Variants in KIFAP3 observed in about 807,000 individuals in gnomAD.
KIFAP3 encodes the protein kinesin associated protein 3.
KIFAP3 carries 68 observed loss-of-function variants against 106.5 expected under a neutral mutation model. The ratio of observed to expected loss-of-function variants is 0.64; its 90% CI spans 0.53 to 0.78. The LOEUF (loss-of-function observed/expected upper bound fraction) is 0.78, where lower values mean the gene tolerates loss of function less well. Among genes scored for constraint, KIFAP3 ranks in the 30% least tolerant of loss-of-function variants. The pLI is 0.00. For synonymous variants in KIFAP3, 320 were observed against 311.5 expected (o/e 1.03, Z -0.29); for missense variants, 780 against 941.8 (o/e 0.83, Z 2.25).
rs140358769 is a variant in KIFAP3, at chr1:169,935,393, C to A, written c.2274-13612G>T. 3.9e-3 allele frequency among the ~76,000 whole-genome samples: 591 copies of A among 152,068 alleles called. 2 individuals are homozygous for A. Among genetic ancestry groups the A allele is most frequent in the Non-Finnish European group, 6.9e-3 (466 of 67,916 alleles). Reference sequence around the variant, plus strand: ...AAATCTGGATTCCTTTTTAAGATCGCTTTGCCTTTTAGTTTCTGACAGCCC... The same window carrying A: ...AAATCTGGATTCCTTTTTAAGATCGATTTGCCTTTTAGTTTCTGACAGCCC... On this transcript the variant is annotated intron_variant, in intron 19 of 19. Coordinates refer to ENST00000361580, the MANE Select transcript of KIFAP3 (RefSeq NM_014970.4).
chr1:170,074,983 G>T (rs933610629), upstream of KIFAP3, among the ~76,000 whole-genome samples: 2 of 152,166 alleles, frequency 1.3e-5, no homozygotes, highest in Admixed American at 1.3e-4. Context: ...TCTATTTGGG[G>T]GCCTGAATGG....
intron 17 of KIFAP3, among the ~76,000 whole-genome samples, chr1:169,966,090 C>T (rs1390724339): frequency 6.6e-6 from 1 of 151,806 alleles, no homozygotes; most frequent in Non-Finnish European, 1.5e-5. Context: ...CATTTTCTTA[C>T]TTAAAATAAT....
At chr1:170,052,657 C>T (rs1021161125) in intron 2 of KIFAP3, among the ~76,000 whole-genome samples, 1 of 152,218 alleles carries the variant, frequency 6.6e-6, no homozygotes, top group Admixed American at 6.5e-5. Context: ...ACCAAGTCGG[C>T]TTCATCCCTG....
rs556342736 is a variant in KIFAP3, at chr1:170,005,474, T to C, written c.1183+10988A>G. 1.7e-3 allele frequency among the ~76,000 whole-genome samples: 260 copies of C among 151,898 alleles called. 1 individual carries two copies. The highest frequency in any genetic ancestry group is 6.1e-3 in the African/African-American group (253 of 41,396). On this transcript the variant is annotated intron_variant, in intron 10 of 19. Coordinates refer to ENST00000361580, the MANE Select transcript of KIFAP3 (RefSeq NM_014970.4). The stretch of plus-strand genomic sequence containing the variant: ...AACCAACCCAGATGTCCAACAATGA[T>C]AGACTGGATTAAGAAAATGTGGCAC...
chr1:170,079,057 G>A (rs1242568124), upstream of KIFAP3, among the ~76,000 whole-genome samples: 5 of 152,184 alleles, frequency 3.3e-5, no homozygotes, highest in Admixed American at 2.0e-4. Flanking sequence ...CAAACCTTAT[G>A]TTAAAGTTTG....
At chr1:170,041,026 T>C (rs1220550262) in intron 3 of KIFAP3, among the ~76,000 whole-genome samples, 2 of 152,100 alleles carry the variant, frequency 1.3e-5, no homozygotes, top group Non-Finnish European at 2.9e-5. Context: ...GGTTTCACCA[T>C]GTTGGCCAGG....
intron 1 of KIFAP3, among the ~76,000 whole-genome samples, chr1:170,066,334 T>G (rs1438147393): frequency 1.3e-5 from 2 of 152,220 alleles, no homozygotes; most frequent in Non-Finnish European, 2.9e-5. Flanking sequence ...ATATTTATAA[T>G]TCCTGATGCT....
intron 1 of KIFAP3, among the ~76,000 whole-genome samples, chr1:170,083,641 T>A (rs1672054601): frequency 1.3e-5 from 2 of 152,196 alleles, no homozygotes; most frequent in Admixed American, 1.3e-4. Flanking sequence ...GCAATTGATA[T>A]TAGCTGGACC....
chr1:170,034,230 C>A, intron 7 of KIFAP3, 142 bp downstream of exon 7: 1 of 701,460 alleles, frequency 1.4e-6, no homozygotes, highest in Non-Finnish European at 2.4e-6. Flanking sequence ...TACTTCTTAA[C>A]CTTCAATAAC....
At chr1:169,934,933 C>A (rs973214981) in intron 19 of KIFAP3, among the ~76,000 whole-genome samples, 1 of 151,956 alleles carries the variant, frequency 6.6e-6, no homozygotes, top group Non-Finnish European at 1.5e-5. Context: ...GTAATAGTTT[C>A]TTTTTCCCCA....
At chr1:170,070,088 TACTC>T (rs1671632729) in intron 1 of KIFAP3, among the ~76,000 whole-genome samples, 1 of 151,898 alleles carries the variant, frequency 6.6e-6, no homozygotes, top group African/African-American at 2.4e-5. Flanking sequence ...AAGAATAAAA[TACTC>T]AGGAGTAAAC....
intron 3 of KIFAP3, among the ~76,000 whole-genome samples, chr1:170,045,331 A>C (rs1043894438): frequency 7.2e-5 from 11 of 152,202 alleles, no homozygotes; most frequent in Non-Finnish European, 1.5e-4. Context: ...TGGAGGTCCC[A>C]AAATAACCCA....
At chr1:169,962,849 A>G (rs1665408614) in intron 17 of KIFAP3, among the ~76,000 whole-genome samples, 1 of 152,204 alleles carries the variant, frequency 6.6e-6, no homozygotes, top group South Asian at 2.1e-4. Context: ...CATTTAAAAA[A>G]TATATAGCTG....
rs924587358 is a variant in KIFAP3, at chr1:169,982,203, T to C, written c.1673-106A>G. ...AGAAAGGATACTGAAAGCTATTAAA[T>C]CAAGTCATATGAATCCTTGATATGC... On this transcript the variant is annotated intron_variant, in intron 14 of 19. Transcript: ENST00000361580. The C allele has an allele frequency of 7.8e-6, 9 of 1,158,696 alleles. No individual in the cohort carries two copies. In the African/African-American group the frequency reaches 1.2e-4, roughly 16 times the overall value. The allele number at this position is 1,158,696 out of a possible 1,614,324, so 71.8% of individuals were successfully genotyped here. A position where few individuals can be genotyped will look rare whatever the true frequency, so the allele number is the denominator to read the frequency against.
intron 10 of KIFAP3, among the ~76,000 whole-genome samples, chr1:170,003,544 T>C (rs1394659891): frequency 2.0e-5 from 3 of 152,150 alleles, no homozygotes; most frequent in Admixed American, 1.3e-4. Flanking sequence ...GGAGAACCAC[T>C]AATCTCTTCA....
intron 17 of KIFAP3, among the ~76,000 whole-genome samples, chr1:169,967,967 T>C (rs562519726): frequency 3.8e-4 from 58 of 152,024 alleles, no homozygotes; most frequent in African/African-American, 1.3e-3. Context: ...AGCTAAGGTA[T>C]GTCATCAAAA....
chr1:170,018,703 A>G (rs1668651479), intron 9 of KIFAP3, among the ~76,000 whole-genome samples: 1 of 151,774 alleles, frequency 6.6e-6, no homozygotes, highest in African/African-American at 2.4e-5. Context: ...TTTTGTTCCA[A>G]TCTTTCACTG....
At chr1:169,936,259 T>C (rs1173250371) in intron 19 of KIFAP3, among the ~76,000 whole-genome samples, 1 of 151,832 alleles carries the variant, frequency 6.6e-6, no homozygotes, top group Non-Finnish European at 1.5e-5. Context: ...TTTAACTCAG[T>C]AAAACTTTCA....
intron 11 of KIFAP3, chr1:169,990,173 C>A: frequency 6.9e-7 from 1 of 1,451,078 alleles, no homozygotes; most frequent in Non-Finnish European, 9.3e-7. Flanking sequence ...GAAATGAGAA[C>A]ACTTTACAGA....
Sources: allele counts gnomAD v4.1 joint callset (sites outside exome capture counted in the v4.1 genomes callset), GRCh38; gene constraint gnomAD v4.1.1; transcripts MANE v1.5; gene names NCBI Gene and HGNC (gene_info 2026-07-23, HGNC 2026-07-21).